Variants in WDR7 observed in about 807,000 individuals in gnomAD.
The protein encoded by WDR7 is WD repeat domain 7, also known as WD repeat-containing protein 7.
WDR7 carries 46 observed loss-of-function variants against 169.4 expected under a neutral mutation model. The ratio of observed to expected loss-of-function variants is 0.27; its 90% CI spans 0.21 to 0.35. The LOEUF (loss-of-function observed/expected upper bound fraction) is 0.35. Ranked by LOEUF, WDR7 falls within the 10% of genes least tolerant of loss-of-function variation. WDR7 has a pLI of 1.00. For synonymous variants in WDR7, 612 were observed against 666.8 expected, an observed-to-expected ratio of 0.92 and a Z score of 1.27; for missense variants, 1,534 against 1,859.3, an observed-to-expected ratio of 0.83 and a Z score of 3.22.
Position 56,935,777 on chromosome 18 carries a change from TC to T in WDR7, c.3714-8del, listed in dbSNP as rs1232584444. 1 of 1,612,794 alleles carries T rather than the reference TC, an allele frequency of 6.2e-7. No homozygotes were observed. The highest frequency in any genetic ancestry group is 2.2e-5 in the East Asian group (1 of 44,882). On this transcript the variant is annotated splice_polypyrimidine_tract_variant and intron_variant, in intron 22 of 27. Coordinates refer to ENST00000254442, the MANE Select transcript of WDR7 (RefSeq NM_015285.3). ...CTTTTCTTTTTTTCCCTTTTTCTGA[TC>T]CCTGTTTAGCATCACAATGGGGTTG...
chr18:56,832,397 C>T (rs1407537147), intron 20 of WDR7, among the ~76,000 whole-genome samples: 12 of 152,196 alleles, frequency 7.9e-5, no homozygotes, highest in African/African-American at 1.9e-4. Flanking sequence ...GGGAAAGGGG[C>T]GGCTGTGGTT....
intron 26 of WDR7, among the ~76,000 whole-genome samples, chr18:56,994,447 C>T (rs773866635): frequency 6.6e-6 from 1 of 152,140 alleles, no homozygotes; most frequent in Non-Finnish European, 1.5e-5. Context: ...TTCTGAGTTA[C>T]TTGTTCAATG....
At chr18:56,805,306 T>C (rs1023809933) in intron 19 of WDR7, among the ~76,000 whole-genome samples, 1 of 152,158 alleles carries the variant, frequency 6.6e-6, no homozygotes, top group Non-Finnish European at 1.5e-5. Context: ...ATGATGTAAC[T>C]ATCCTGCATA....
intron 12 of WDR7, among the ~76,000 whole-genome samples, chr18:56,700,252 CTTTTTTTT>C (rs1226348026): frequency 3.0e-5 from 2 of 67,238 alleles, no homozygotes; most frequent in Non-Finnish European, 5.1e-5. Flanking sequence ...TTTTCATTTT[CTTTTTTTT>C]TTTTTTTTTT....
chr18:56,757,395 A>G (rs971546463), intron 15 of WDR7, 43 bp downstream of exon 15: 9 of 1,487,494 alleles, frequency 6.1e-6, no homozygotes, highest in Admixed American at 2.2e-5. Context: ...GTTTCAAAAA[A>G]AGAAACCTGT....
At chr18:56,928,284 C>T (rs746306057) in intron 22 of WDR7, among the ~76,000 whole-genome samples, 5 of 151,924 alleles carry the variant, frequency 3.3e-5, no homozygotes, top group East Asian at 3.9e-4. Context: ...GGTAACATAG[C>T]GAGACCCCGT....
intron 12 of WDR7, among the ~76,000 whole-genome samples, chr18:56,717,328 A>AG (rs1331667514): frequency 1.3e-5 from 2 of 152,212 alleles, no homozygotes; most frequent in African/African-American, 4.8e-5. Flanking sequence ...AAGGGCAAAA[A>AG]CTAGAGGTGA....
At chr18:56,671,558 A>G (rs2025135684) in intron 1 of WDR7, among the ~76,000 whole-genome samples, 1 of 152,202 alleles carries the variant, frequency 6.6e-6, no homozygotes, top group Non-Finnish European at 1.5e-5. Context: ...GGCGTGAGCC[A>G]CTGCGCCCGG....
In WDR7 at chr18:56,719,669, GTT is replaced by G. The variant is rs370335299; in HGVS notation, c.1774+1513_1774+1514del. Among the ~76,000 whole-genome samples the G allele has an allele frequency of 2.4e-3, 371 of 151,742 alleles. 1 individual carries two copies. Among genetic ancestry groups the G allele is most frequent in the African/African-American group, 8.3e-3 (344 of 41,326 alleles). ...CCTATCTGCTGAATAGCAGTCTTGT[GTT>G]TTCTTTTTTGGTCCACTTCATAAAC... On this transcript the variant is annotated intron_variant, in intron 13 of 27. Coordinates refer to ENST00000254442, the MANE Select transcript of WDR7 (RefSeq NM_015285.3).
chr18:56,710,358 T>C (rs1372600358), intron 12 of WDR7, among the ~76,000 whole-genome samples: 6 of 152,290 alleles, frequency 3.9e-5, no homozygotes, highest in Admixed American at 3.3e-4. Context: ...TTTTATTATA[T>C]CCATGTGATT....
intron 20 of WDR7, among the ~76,000 whole-genome samples, chr18:56,822,210 G>A (rs2045111409): frequency 6.6e-6 from 1 of 152,092 alleles, no homozygotes; most frequent in Non-Finnish European, 1.5e-5. Context: ...TAGGACTGTT[G>A]TAACATAATA....
intron 20 of WDR7, among the ~76,000 whole-genome samples, chr18:56,857,562 C>T (rs115719429): frequency 2.6e-4 from 40 of 152,136 alleles, no homozygotes; most frequent in Non-Finnish European, 4.9e-4. Flanking sequence ...CAACCAGCAG[C>T]ATAAAGCTTT....
chr18:56,736,152 T>C (rs1431250199), intron 14 of WDR7, among the ~76,000 whole-genome samples: 1 of 152,124 alleles, frequency 6.6e-6, no homozygotes, highest in Non-Finnish European at 1.5e-5. Context: ...TAAAACAAAA[T>C]TCAAAATTCA....
chr18:56,895,717 TA>T (rs1755896599), intron 21 of WDR7, among the ~76,000 whole-genome samples: 1 of 148,510 alleles, frequency 6.7e-6, no homozygotes, highest in African/African-American at 2.4e-5. Flanking sequence ...CCATAAAAAT[TA>T]AAAATTAAAA....
At chr18:56,729,811 A>C (rs1402608707) in intron 13 of WDR7, among the ~76,000 whole-genome samples, 2 of 152,222 alleles carry the variant, frequency 1.3e-5, no homozygotes, top group Non-Finnish European at 2.9e-5. Flanking sequence ...TTTGTTAAAA[A>C]AATTACTAAT....
chr18:56,929,389 T>C (rs768871281), intron 22 of WDR7, among the ~76,000 whole-genome samples: 14 of 152,360 alleles, frequency 9.2e-5, no homozygotes, highest in East Asian at 3.9e-4. Flanking sequence ...TTATTCTTAT[T>C]TACTCATAAC....
intron 1 of WDR7, among the ~76,000 whole-genome samples, chr18:56,663,634 C>T (rs1640721): frequency 0.23 from 686 of 3,040 alleles, 9 homozygotes; most frequent in Admixed American, 0.3. Flanking sequence ...CACATATATG[C>T]ACAGCATATA....
At chr18:56,893,597 A>G (rs1052754617) in intron 21 of WDR7, among the ~76,000 whole-genome samples, 1 of 152,140 alleles carries the variant, frequency 6.6e-6, no homozygotes, top group African/African-American at 2.4e-5. Flanking sequence ...GTCAAACGGT[A>G]GGTGCTCATG....
Position 56,756,851 on chromosome 18 carries a change from AC to A in WDR7, c.2259del (p.Asn753LysfsTer16). The A allele has an allele frequency of 1.2e-6, 2 of 1,614,138 alleles. No homozygotes were observed. The highest frequency in any genetic ancestry group is 1.7e-6 in the Non-Finnish European group (2 of 1,180,014). The stretch of plus-strand genomic sequence containing the variant: ...CAAGTGAAAGAAACGATCAAAGAGA[AC>A]ATCAAGGAACACCTCCTTGATGATG... ...FQQVKETIKE[N>X]IKEHLLDDEE... is the part of the protein sequence containing the mutation. On this transcript the variant is annotated frameshift_variant, in exon 15 of 28. Transcript: ENST00000254442. LOFTEE classifies it high-confidence loss of function.
Sources: allele counts gnomAD v4.1 joint callset (sites outside exome capture counted in the v4.1 genomes callset), GRCh38; gene constraint gnomAD v4.1.1; transcripts MANE v1.5; gene names NCBI Gene and HGNC (gene_info 2026-07-23, HGNC 2026-07-21).